The following PDE4B variants were observed in gnomAD, a reference collection of about 807,000 sequenced individuals.
The protein encoded by PDE4B is phosphodiesterase 4B.
Under a neutral mutation model 82.2 loss-of-function variants are expected in PDE4B, and 20 were observed. The observed-to-expected ratio is 0.24, with a 90% CI of 0.17 to 0.35. The LOEUF is 0.35. Ranked by LOEUF, PDE4B falls within the 10% of genes least tolerant of loss-of-function variation. The probability of loss-of-function intolerance (pLI) is 1.00; values close to 1 mark genes in which losing one functional copy is unlikely to be tolerated. For missense variants in PDE4B, 655 were observed against 907.2 expected (o/e 0.72, Z 3.57); for synonymous variants, 320 against 318.9 (o/e 1.00, Z -0.04).
rs150521774 is a variant in PDE4B at position 66,268,479 on chromosome 1, C to A, written c.634+2392C>A. Among the ~76,000 whole-genome samples the A allele has an allele frequency of 3.1e-3, 465 of 152,004 alleles. 1 individual carries two copies. Among genetic ancestry groups the A allele is most frequent in the African/African-American group, 0.011 (444 of 41,476 alleles). On this transcript the variant is annotated intron_variant, in intron 7 of 16. Transcript: ENST00000341517. ...GGTCAGGAGTTCAAGACCAGCCTGACCAATATGGTGAAACCCCATCTCTAC... is the reference window on the plus strand; with the variant it reads ...GGTCAGGAGTTCAAGACCAGCCTGAACAATATGGTGAAACCCCATCTCTAC...
chr1:65,838,240 T>G (rs1646163985), intron 1 of PDE4B, among the ~76,000 whole-genome samples: 1 of 152,070 alleles, frequency 6.6e-6, no homozygotes, highest in South Asian at 2.1e-4. Context: ...GGTAAAATAT[T>G]TCACTAATGC....
Position 66,357,023 on chromosome 1 carries a change from G to A in PDE4B, c.841+1403G>A, listed in dbSNP as rs186921586. On this transcript the variant is annotated intron_variant, in intron 9 of 16. Coordinates refer to ENST00000341517, the MANE Select transcript of PDE4B (RefSeq NM_002600.4). ...CTGCTGAGCATTTCAGATATACCCT[G>A]CTCTGTGTAATGCCCAACGATTTTT... Among the ~76,000 whole-genome samples, 11 of 152,282 alleles carry A rather than the reference G, an allele frequency of 7.2e-5. 3 individuals carry two copies. Among genetic ancestry groups the A allele is most frequent in the Admixed American group, 6.5e-5 (1 of 15,282 alleles).
In PDE4B at chr1:65,813,416, G is replaced by A. The variant is rs147722254; in HGVS notation, c.-71+20168G>A. Among the ~76,000 whole-genome samples the A allele has an allele frequency of 4.9e-3, 742 of 152,242 alleles. 8 individuals carry two copies. The highest frequency in any genetic ancestry group is 0.017 in the African/African-American group (704 of 41,524). On this transcript the variant is annotated intron_variant, in intron 1 of 16. Transcript: ENST00000341517. The stretch of plus-strand genomic sequence containing the variant: ...GGAAATGGCATGTTGAGTTTTGAAC[G>A]TGCAAGTTTGAGATATTTTTGCCAT...
chr1:66,344,795 T>C (rs537250537), intron 8 of PDE4B, among the ~76,000 whole-genome samples: 1 of 152,346 alleles, frequency 6.6e-6, no homozygotes, highest in African/African-American at 2.4e-5. Context: ...TCTAATCACA[T>C]GATCCAGGAC....
chr1:65,967,825 C>T (rs1407110241), intron 3 of PDE4B, among the ~76,000 whole-genome samples: 1 of 151,982 alleles, frequency 6.6e-6, no homozygotes, highest in Non-Finnish European at 1.5e-5. Context: ...ACGATGAAAA[C>T]ACATGGACAC....
intron 3 of PDE4B, among the ~76,000 whole-genome samples, chr1:65,927,496 TATATATATAATATATGTAA>T (rs910472179): frequency 1.4e-5 from 2 of 147,214 alleles, no homozygotes; most frequent in African/African-American, 4.9e-5. Flanking sequence ...TAATATGTAT[TATATATATAATATATGTAA>T]ATATATATAA....
chr1:65,952,420 C>G (rs1259437510), intron 3 of PDE4B, among the ~76,000 whole-genome samples: 3 of 152,074 alleles, frequency 2.0e-5, no homozygotes. Context: ...ATGGCTCATG[C>G]CTGTAATCCC....
At chr1:66,038,554 G>A (rs1181809472) in intron 3 of PDE4B, among the ~76,000 whole-genome samples, 1 of 149,166 alleles carries the variant, frequency 6.7e-6, no homozygotes, top group Non-Finnish European at 1.5e-5. Flanking sequence ...AACATATGGA[G>A]GAAAAAAAGA....
intron 1 of PDE4B, among the ~76,000 whole-genome samples, chr1:65,858,516 T>A (rs1195440169): frequency 6.6e-6 from 1 of 152,238 alleles, no homozygotes; most frequent in East Asian, 1.9e-4. Flanking sequence ...AGTTTACATC[T>A]ACTTGGAAAT....
chr1:65,917,784 T>C (rs141543312), intron 2 of PDE4B, among the ~76,000 whole-genome samples: 4 of 152,310 alleles, frequency 2.6e-5, no homozygotes, highest in Admixed American at 6.5e-5. Flanking sequence ...AAATCTCCAA[T>C]TGTAAGAAGA....
At chr1:66,024,663 C>G (rs1010523768) in intron 3 of PDE4B, among the ~76,000 whole-genome samples, 1 of 152,026 alleles carries the variant, frequency 6.6e-6, no homozygotes, top group Non-Finnish European at 1.5e-5. Context: ...ATAATACTGT[C>G]TTCTATGAGA....
chr1:66,162,859 AGTT>A (rs1557602981), intron 3 of PDE4B, among the ~76,000 whole-genome samples: 1 of 152,172 alleles, frequency 6.6e-6, no homozygotes, highest in Non-Finnish European at 1.5e-5. Flanking sequence ...AAGTACTATC[AGTT>A]GTTACAATAA....
intron 7 of PDE4B, among the ~76,000 whole-genome samples, chr1:66,283,163 C>T (rs1427947258): frequency 6.6e-6 from 1 of 152,042 alleles, no homozygotes; most frequent in African/African-American, 2.4e-5. Context: ...GATCCCAGTT[C>T]TACTATTTTT....
At chr1:65,850,413 A>T (rs181061591) in intron 1 of PDE4B, among the ~76,000 whole-genome samples, 1 of 152,058 alleles carries the variant, frequency 6.6e-6, no homozygotes, top group Non-Finnish European at 1.5e-5. Context: ...TACTTTTTGT[A>T]GTGAATTTGT....
At chr1:65,838,786 AAGGC>A (rs1646174359) in intron 1 of PDE4B, among the ~76,000 whole-genome samples, 1 of 151,926 alleles carries the variant, frequency 6.6e-6, no homozygotes, top group African/African-American at 2.4e-5. Context: ...TTTAATAAGA[AAGGC>A]AGGAAAAAAG....
At chr1:65,932,505 G>A (rs545800984) in intron 3 of PDE4B, among the ~76,000 whole-genome samples, 1 of 152,188 alleles carries the variant, frequency 6.6e-6, no homozygotes, top group East Asian at 1.9e-4. Context: ...AGTCTGTGAA[G>A]ATTGGGAGAG....
At chr1:66,133,879 C>T (rs1231863204) in intron 3 of PDE4B, among the ~76,000 whole-genome samples, 3 of 152,132 alleles carry the variant, frequency 2.0e-5, no homozygotes. Flanking sequence ...CTATATGTCC[C>T]TTTTATCTAC....
At chr1:66,091,362 C>T (rs976475751) in intron 3 of PDE4B, among the ~76,000 whole-genome samples, 12 of 151,922 alleles carry the variant, frequency 7.9e-5, no homozygotes, top group African/African-American at 2.9e-4. Flanking sequence ...AGAAGAAAGC[C>T]CTCCTAAAGA....
At chr1:66,364,546 T>C (rs1260556347) in intron 12 of PDE4B, among the ~76,000 whole-genome samples, 1 of 152,182 alleles carries the variant, frequency 6.6e-6, no homozygotes, top group East Asian at 1.9e-4. Context: ...CTGTCCAGCC[T>C]CACCTTTACA....
Sources: allele counts gnomAD v4.1 joint callset (sites outside exome capture counted in the v4.1 genomes callset), GRCh38; gene constraint gnomAD v4.1.1; transcripts MANE v1.5; gene names NCBI Gene and HGNC (gene_info 2026-07-23, HGNC 2026-07-21).